The following USP24 variants were observed in gnomAD, a reference collection of about 807,000 sequenced individuals.
USP24 encodes the protein ubiquitin specific peptidase 24.
USP24 carries 97 observed loss-of-function variants against 361.6 expected under a neutral mutation model. That is an observed-to-expected ratio of 0.27 (90% confidence interval 0.23 to 0.32). USP24 has a LOEUF of 0.32. Ranked by LOEUF, USP24 falls within the 10% of genes least tolerant of loss-of-function variation. The pLI is 1.00. For synonymous variants in USP24, 1,098 were observed against 1,124.6 expected (o/e 0.98, Z 0.47); for missense variants, 2,353 against 3,165.6 (o/e 0.74, Z 6.16).
intron 4 of USP24, 70 bp downstream of exon 4, chr1:55,172,307 C>T: frequency 3.0e-6 from 4 of 1,329,322 alleles, no homozygotes; most frequent in Non-Finnish European, 4.0e-6. Flanking sequence ...TTATTAATTA[C>T]AAGTCAGAGA....
Position 55,073,809 on chromosome 1 carries a change from A to AT in USP24, c.7526+18dup. ...AATTAAAACACCATTTCCTCCCTGC[A>AT]TTTTAATTCAATACTTACTTTTGAG... On this transcript the variant is annotated intron_variant, in intron 64 of 67. Coordinates refer to ENST00000294383, the MANE Select transcript of USP24 (RefSeq NM_015306.3). 3.2e-6 allele frequency: 5 copies of AT among 1,555,608 alleles called. No individual in the cohort carries two copies. Among genetic ancestry groups the AT allele is most frequent in the Non-Finnish European group, 2.6e-6 (3 of 1,147,774 alleles).
chr1:55,127,041 C>G (rs911751457), intron 32 of USP24, among the ~76,000 whole-genome samples: 2 of 152,070 alleles, frequency 1.3e-5, no homozygotes, highest in African/African-American at 2.4e-5. Context: ...AAAATCAAAA[C>G]AGAAAAGCCA....
At chr1:55,208,428 G>C (rs1457254955) in intron 1 of USP24, among the ~76,000 whole-genome samples, 7 of 152,080 alleles carry the variant, frequency 4.6e-5, no homozygotes, top group Non-Finnish European at 7.4e-5. Flanking sequence ...AGAAGTTCAA[G>C]ACCAGCCTGG....
At chr1:55,106,598 CA>C (rs1645780465) in intron 40 of USP24, among the ~76,000 whole-genome samples, 1 of 152,140 alleles carries the variant, frequency 6.6e-6, no homozygotes, top group Admixed American at 6.5e-5. Flanking sequence ...TTACTCTGGG[CA>C]TAGGGGAGTC....
chr1:55,166,610 G>C lies in USP24; in HGVS notation c.826-7C>G. ...CAACCCATCCATGAGGCTCCTATGA[G>C]AAAAGAAAAACAAAATTGAGATGGC... On this transcript the variant is annotated splice_polypyrimidine_tract_variant and splice_region_variant and intron_variant, in intron 5 of 67. Coordinates refer to ENST00000294383, the MANE Select transcript of USP24 (RefSeq NM_015306.3). 1 of 1,587,372 alleles carries C rather than the reference G, an allele frequency of 6.3e-7. No homozygotes were observed.
intron 12 of USP24, among the ~76,000 whole-genome samples, chr1:55,155,613 A>G (rs1647565002): frequency 6.6e-6 from 1 of 152,028 alleles, no homozygotes; most frequent in African/African-American, 2.4e-5. Flanking sequence ...GTTTTCTTTT[A>G]CTCCTGCACC....
At position 55,214,980 on chromosome 1, in the gene USP24, C is replaced by T; in HGVS notation, c.134G>A (p.Arg45Gln). 6.9e-7 allele frequency: 1 copy of T among 1,444,880 alleles called. No individual in the cohort carries two copies. The highest frequency in any genetic ancestry group is 9.1e-7 in the Non-Finnish European group (1 of 1,095,786). The allele number at this position is 1,444,880 out of a possible 1,614,324, so 89.5% of individuals were successfully genotyped here. The change falls in exon 1 of 68, where the codon CGG (arginine) becomes CAG (glutamine). Residue 45 changes from arginine (R) to glutamine (Q), a missense_variant. Arg to Gln is a conservative substitution (Grantham distance 43). Transcript: ENST00000294383. ...NEAVALLTNE[R>Q]PGLDYGGYEP... ...GTAGCCGCCGTAGTCGAGGCCCGGC[C>T]GCTCGTTGGTGAGCAGTGCCACGGC... is the stretch of plus-strand genomic sequence containing the variant.
chr1:55,164,821 T>C (rs1472272066), intron 7 of USP24, among the ~76,000 whole-genome samples: 1 of 151,908 alleles, frequency 6.6e-6, no homozygotes, highest in Non-Finnish European at 1.5e-5. Flanking sequence ...TTTTTAACCC[T>C]GGATCTGAAG....
At chr1:55,187,163 G>A (rs182778831) in intron 1 of USP24, among the ~76,000 whole-genome samples, 3 of 152,038 alleles carry the variant, frequency 2.0e-5, no homozygotes, top group Admixed American at 2.0e-4. Flanking sequence ...CATAGTAACA[G>A]AATAAAGGAC....
At chr1:55,213,449 C>G (rs554494466) in intron 1 of USP24, among the ~76,000 whole-genome samples, 2 of 152,212 alleles carry the variant, frequency 1.3e-5, no homozygotes, top group African/African-American at 4.8e-5. Context: ...TACTTCAGCC[C>G]GAGGAACTGT....
At chr1:55,167,011 T>A (rs1648936968) in intron 5 of USP24, among the ~76,000 whole-genome samples, 1 of 152,216 alleles carries the variant, frequency 6.6e-6, no homozygotes, top group Non-Finnish European at 1.5e-5. Flanking sequence ...ATTAATGCTC[T>A]TAAGCAAGCT....
At chr1:55,072,243 G>T in intron 66 of USP24, 74 bp downstream of exon 66, 2 of 1,228,306 alleles carry the variant, frequency 1.6e-6, no homozygotes, top group Non-Finnish European at 1.2e-6. Flanking sequence ...CTCAGAGGTT[G>T]CAGTTTCTGA....
intron 7 of USP24, among the ~76,000 whole-genome samples, chr1:55,163,159 G>A (rs1648469299): frequency 6.6e-6 from 1 of 151,446 alleles, no homozygotes; most frequent in South Asian, 2.1e-4. Flanking sequence ...CAAGGACTAA[G>A]TTAAAAAAAT....
chr1:55,139,102 G>T, intron 24 of USP24, 92 bp from the exon 25 acceptor site: 1 of 1,138,732 alleles, frequency 8.8e-7, no homozygotes, highest in Non-Finnish European at 1.3e-6. Flanking sequence ...CACAATAACA[G>T]TTAGCACTCA....
chr1:55,147,944 T>C lies in USP24; in HGVS notation c.1969-146A>G, dbSNP rs527257100. 1.3e-5 allele frequency: 10 copies of C among 785,552 alleles called. No homozygotes were observed. In the African/African-American group the frequency reaches 1.6e-4, roughly 13 times the overall value. The allele number at this position is 785,552 out of a possible 1,614,324, so 48.7% of individuals were successfully genotyped here. ...CTCATTCGTATTTCCTACACAAAAG[T>C]AAATAAAATCAATCTGGTATGTACA... is the stretch of plus-strand genomic sequence containing the variant. On this transcript the variant is annotated intron_variant, in intron 17 of 67. Transcript: ENST00000294383.
chr1:55,115,180 G>C (rs1646070420), intron 38 of USP24, among the ~76,000 whole-genome samples: 1 of 152,110 alleles, frequency 6.6e-6, no homozygotes, highest in Non-Finnish European at 1.5e-5. Flanking sequence ...AAACCGCAAT[G>C]AGATACCATC....
chr1:55,098,748 A>AGAG (rs1448413969), intron 45 of USP24, among the ~76,000 whole-genome samples, 190 bp from the exon 46 acceptor site: 1 of 152,186 alleles, frequency 6.6e-6, no homozygotes, highest in African/African-American at 2.4e-5. Flanking sequence ...CAGAAGAGGA[A>AGAG]GAGGAGGAGG....
chr1:55,163,802 G>C (rs911091668), intron 7 of USP24, among the ~76,000 whole-genome samples: 1 of 151,938 alleles, frequency 6.6e-6, no homozygotes, highest in Non-Finnish European at 1.5e-5. Context: ...CAATATTCCT[G>C]GGATGCAAAA....
rs761827613 is a variant in USP24, at chr1:55,095,401, A to G, written c.6062-5T>C. 1.3e-6 allele frequency: 2 copies of G among 1,598,680 alleles called. No homozygotes were observed. Among genetic ancestry groups the G allele is most frequent in the Admixed American group, 1.7e-5 (1 of 57,212 alleles). ...GCACATCAGTGTATGGGTTTGCTTT[A>G]TAACAAGACATTAAGAAACACATCT... On this transcript the variant is annotated splice_region_variant and splice_polypyrimidine_tract_variant and intron_variant, in intron 50 of 67. Coordinates refer to ENST00000294383, the MANE Select transcript of USP24 (RefSeq NM_015306.3).
Sources: allele counts gnomAD v4.1 joint callset (sites outside exome capture counted in the v4.1 genomes callset), GRCh38; gene constraint gnomAD v4.1.1; transcripts MANE v1.5; gene names NCBI Gene and HGNC (gene_info 2026-07-23, HGNC 2026-07-21).